The following TNR variants were observed in gnomAD, a reference collection of about 807,000 sequenced individuals.
The protein encoded by TNR is tenascin-R.
In TNR, 45 loss-of-function variants were observed where a neutral mutation model predicts 150.4. That is an observed-to-expected ratio of 0.30 (90% CI 0.24 to 0.38). The LOEUF is 0.38. Among genes scored for constraint, TNR ranks in the 10% least tolerant of loss-of-function variants. The probability of loss-of-function intolerance (pLI) is 1.00; values close to 1 mark genes in which losing one functional copy is unlikely to be tolerated. For missense variants in TNR, 1,544 were observed against 1,759.1 expected, an observed-to-expected ratio of 0.88 and a Z score of 2.19; for synonymous variants, 687 against 678.4, an observed-to-expected ratio of 1.01 and a Z score of -0.20.
rs953463653 is a variant in TNR at position 175,599,074 on chromosome 1, G to A, written c.-164-70705C>T. Among the ~76,000 whole-genome samples the A allele has an allele frequency of 6.6e-6, 1 of 152,206 alleles. No individual in the cohort carries two copies. The highest frequency in any genetic ancestry group is 2.4e-5 in the African/African-American group (1 of 41,450). ...CGTTCAGTGACGGAGAGGCAGGGTG[G>A]AGCTGCGGTCTCCAGACTCCATTCC... On this transcript the variant is annotated intron_variant, in intron 1 of 22. Transcript: ENST00000367674. This position sits in a 1 kb window ranked among gnomAD's most constrained non-coding sequence, Gnocchi z 4.7.
chr1:175,693,486 G>T (rs1266293741), intron 1 of TNR, among the ~76,000 whole-genome samples: 1 of 152,160 alleles, frequency 6.6e-6, no homozygotes, highest in Non-Finnish European at 1.5e-5. Flanking sequence ...TGTCACATGT[G>T]GGAAATGTGG....
intron 1 of TNR, among the ~76,000 whole-genome samples, chr1:175,700,803 T>C (rs1006463170): frequency 6.6e-6 from 1 of 152,172 alleles, no homozygotes; most frequent in Non-Finnish European, 1.5e-5. Context: ...TTTTCTTCCA[T>C]CCATTTGGCA....
intron 9 of TNR, among the ~76,000 whole-genome samples, chr1:175,367,665 A>G (rs1651906058): frequency 1.3e-5 from 2 of 152,118 alleles, no homozygotes; most frequent in African/African-American, 4.8e-5. Flanking sequence ...GAATTTCGGG[A>G]GTATGTAATC....
At chr1:175,656,179 TGTGTGTG>T (rs1445826182) in intron 1 of TNR, among the ~76,000 whole-genome samples, 72 of 150,072 alleles carry the variant, frequency 4.8e-4, no homozygotes, top group African/African-American at 1.7e-3. Flanking sequence ...TGTGTGTGTG[TGTGTGTG>T]TGTGTATGTG....
At chr1:175,579,497 G>A (rs1250100408) in intron 1 of TNR, among the ~76,000 whole-genome samples, 1 of 151,896 alleles carries the variant, frequency 6.6e-6, no homozygotes, top group African/African-American at 2.4e-5. Context: ...GCACATTTGG[G>A]CAATGGCGAT....
At chr1:175,445,086 C>T (rs572648082) in intron 2 of TNR, among the ~76,000 whole-genome samples, 81 of 152,134 alleles carry the variant, frequency 5.3e-4, no homozygotes, top group Non-Finnish European at 9.1e-4. Context: ...CTAGCTAACA[C>T]GGTGAAACCC....
chr1:175,586,428 G>A (rs566463923), intron 1 of TNR, among the ~76,000 whole-genome samples: 55 of 152,108 alleles, frequency 3.6e-4, no homozygotes, highest in African/African-American at 1.2e-3. Context: ...AGTTTCCTGA[G>A]TAGCTGGGAT....
At chr1:175,715,492 G>A (rs772777682) in intron 1 of TNR, among the ~76,000 whole-genome samples, 6 of 152,094 alleles carry the variant, frequency 3.9e-5, no homozygotes, top group Non-Finnish European at 7.4e-5. Flanking sequence ...TATGTGCACA[G>A]ATGCAGAATC....
At chr1:175,573,779 T>A (rs1661984215) in intron 1 of TNR, among the ~76,000 whole-genome samples, 1 of 152,034 alleles carries the variant, frequency 6.6e-6, no homozygotes, top group Admixed American at 6.5e-5. Context: ...CTCCTGGCCG[T>A]AGGGTACAGA....
In TNR at chr1:175,386,117, C is replaced by T; in HGVS notation, c.1692G>A (p.Leu564=). ...ACACCTCGTATCGGGAGCCAGGCCG[C>T]AGGGCCTGCACTGAGTATTGGCTCA... ...PPLSQYSVQA[L]RPGSRYEVSV... Residue 564 remains leucine, a synonymous_variant, in exon 8 of 23, where the codon CTG becomes CTA. Coordinates refer to ENST00000367674, the MANE Select transcript of TNR (RefSeq NM_003285.3). 2.5e-6 allele frequency: 4 copies of T among 1,612,988 alleles called. No homozygotes were observed. Among genetic ancestry groups the T allele is most frequent in the Non-Finnish European group, 3.4e-6 (4 of 1,179,150 alleles).
At chr1:175,610,719 A>G (rs1377892075) in intron 1 of TNR, among the ~76,000 whole-genome samples, 3 of 152,214 alleles carry the variant, frequency 2.0e-5, no homozygotes, top group African/African-American at 7.2e-5. Flanking sequence ...CACTATTGCA[A>G]TAGCTCCTTT....
intron 1 of TNR, among the ~76,000 whole-genome samples, chr1:175,719,626 C>T (rs988356174): frequency 3.3e-5 from 5 of 152,198 alleles, no homozygotes; most frequent in Non-Finnish European, 4.4e-5. Context: ...GTTATTCTTG[C>T]CTAGCCCCTG....
intron 1 of TNR, among the ~76,000 whole-genome samples, chr1:175,611,744 A>G (rs1663607735): frequency 6.6e-6 from 1 of 152,170 alleles, no homozygotes; most frequent in African/African-American, 2.4e-5. Context: ...CACTGACTAT[A>G]TATCCAGGGT....
At chr1:175,562,779 G>A (rs1661482736) in intron 1 of TNR, among the ~76,000 whole-genome samples, 1 of 152,210 alleles carries the variant, frequency 6.6e-6, no homozygotes, top group Admixed American at 6.5e-5. Context: ...TCAAGCTGCA[G>A]GTTTTAGCTG....
At chr1:175,469,825 T>A (rs1411511166) in intron 2 of TNR, among the ~76,000 whole-genome samples, 1 of 151,702 alleles carries the variant, frequency 6.6e-6, no homozygotes, top group Non-Finnish European at 1.5e-5. Flanking sequence ...TAGATTGGAG[T>A]GAAGCACTAT....
intron 1 of TNR, among the ~76,000 whole-genome samples, chr1:175,729,571 G>A (rs1214207694): frequency 1.3e-5 from 2 of 151,984 alleles, no homozygotes; most frequent in Non-Finnish European, 2.9e-5. Flanking sequence ...GGGATTACAG[G>A]CATAAGCCAC....
intron 1 of TNR, among the ~76,000 whole-genome samples, chr1:175,535,509 G>A (rs1474256444): frequency 6.6e-6 from 1 of 152,028 alleles, no homozygotes; most frequent in Non-Finnish European, 1.5e-5. Flanking sequence ...CGCCCAGGCT[G>A]GAGTGCAGTG....
chr1:175,512,832 G>A (rs1659246342), intron 2 of TNR, among the ~76,000 whole-genome samples: 1 of 152,158 alleles, frequency 6.6e-6, no homozygotes, highest in Admixed American at 6.5e-5. Flanking sequence ...TTTTTGTTCT[G>A]CAAGATACCC....
At chr1:175,378,508 AC>A (rs1229948293) in intron 9 of TNR, among the ~76,000 whole-genome samples, 2 of 152,234 alleles carry the variant, frequency 1.3e-5, no homozygotes, top group African/African-American at 4.8e-5. Flanking sequence ...AAGCTGCCGG[AC>A]AGAATGAATG....
Sources: gnomAD v4.1 joint callset for allele counts (sites outside exome capture counted in the v4.1 genomes callset) on GRCh38, gnomAD v4.1.1 for gene constraint, Gnocchi (gnomAD v3.1) non-coding constraint, MANE v1.5 for transcripts, NCBI Gene and HGNC (gene_info 2026-07-23, HGNC 2026-07-21) for gene names.